The following ZNF248 variants were observed in gnomAD, a reference collection of about 807,000 sequenced individuals.
The protein encoded by ZNF248 is KRAB protein domain.
A neutral mutation model predicts 44.3 loss-of-function variants in ZNF248; 20 were observed. The observed-to-expected ratio is 0.45, with a 90% CI of 0.32 to 0.66. The LOEUF (loss-of-function observed/expected upper bound fraction) is 0.66, where lower values mean the gene tolerates loss of function less well. Ranked by LOEUF, ZNF248 falls within the 30% of genes least tolerant of loss-of-function variation. The pLI is 0.04. For missense variants in ZNF248, 654 were observed against 677.0 expected, an observed-to-expected ratio of 0.97 and a Z score of 0.38; for synonymous variants, 224 against 229.0, an observed-to-expected ratio of 0.98 and a Z score of 0.20.
At chr10:37,842,038 A>C (rs1331995742) in intron 3 of ZNF248, among the ~76,000 whole-genome samples, 1 of 152,186 alleles carries the variant, frequency 6.6e-6, no homozygotes, top group Non-Finnish European at 1.5e-5. Flanking sequence ...ATCCCAATAA[A>C]GTGGTCATCA....
chr10:37,775,382 CAG>C (rs1202390870), downstream of ZNF248: 1 of 152,020 alleles, frequency 6.6e-6, no homozygotes, highest in African/African-American at 2.4e-5. Flanking sequence ...TGGGAAAGTG[CAG>C]GGGAAGCTGA....
At chr10:37,781,238 G>A (rs1034168567) in intron 6 of ZNF248, among the ~76,000 whole-genome samples, 3 of 152,156 alleles carry the variant, frequency 2.0e-5, no homozygotes, top group African/African-American at 4.8e-5. Context: ...TGATGCCAAC[G>A]ATATTCATTG....
At chr10:37,783,430 G>C (rs149275384) in intron 6 of ZNF248, among the ~76,000 whole-genome samples, 33 of 152,212 alleles carry the variant, frequency 2.2e-4, no homozygotes, top group Non-Finnish European at 3.7e-4. Flanking sequence ...GAAAATATAG[G>C]GGTGAATCTT....
downstream of ZNF248, among the ~76,000 whole-genome samples, chr10:37,824,672 A>ATTTTTTTTTTTTTT (rs1564542451): frequency 8.0e-4 from 49 of 61,300 alleles, 1 homozygote; most frequent in African/African-American, 2.9e-3. Flanking sequence ...AATTATTTTA[A>ATTTTTTTTTTTTTT]ATTTTTTTTT....
intron 6 of ZNF248, chr10:37,795,406 A>G (rs1014509927): frequency 3.3e-5 from 5 of 152,062 alleles, no homozygotes. Flanking sequence ...CTTACTTTCT[A>G]TTTCAGTTCT....
At chr10:37,801,146 G>T (rs1287305387) in intron 6 of ZNF248, among the ~76,000 whole-genome samples, 1 of 151,934 alleles carries the variant, frequency 6.6e-6, no homozygotes, top group East Asian at 2.0e-4. Context: ...GGAGGCTGAG[G>T]CAGGCAGATA....
intron 6 of ZNF248, among the ~76,000 whole-genome samples, chr10:37,779,769 T>C (rs1336390266): frequency 1.3e-5 from 2 of 149,754 alleles, no homozygotes; most frequent in East Asian, 2.0e-4. Context: ...GAAAACCCCA[T>C]TGTCTCAGCC....
rs547601270 is a variant in ZNF248, at chr10:37,777,044, T to A, written c.331-469A>T. ...CCAAATTTTTTACATATGCCAAAAATGTGAAACTCAGAACCACTCCGCATG... is the reference window on the plus strand; with the variant it reads ...CCAAATTTTTTACATATGCCAAAAAAGTGAAACTCAGAACCACTCCGCATG... On this transcript the variant is annotated intron_variant, in intron 6 of 6. Coordinates refer to the ZNF248 transcript ENST00000615949. Among the ~76,000 whole-genome samples the A allele has an allele frequency of 6.6e-4, 101 of 152,238 alleles. 1 individual carries two copies. In the Middle Eastern group the frequency reaches 0.01, roughly 15 times the overall value.
At chr10:37,844,481 T>A (rs1461807354) in intron 3 of ZNF248, among the ~76,000 whole-genome samples, 2 of 152,226 alleles carry the variant, frequency 1.3e-5, no homozygotes, top group African/African-American at 4.8e-5. Flanking sequence ...AATTTGTAGT[T>A]TGTAACTCCA....
At chr10:37,815,076 T>A (rs2052218731) in intron 6 of ZNF248, among the ~76,000 whole-genome samples, 2 of 151,470 alleles carry the variant, frequency 1.3e-5, no homozygotes. Context: ...TTTTTCAGAC[T>A]TTTTTTTTGA....
chr10:37,819,843 GTCTA>G (rs1315824748), intron 6 of ZNF248: 4 of 786,578 alleles, frequency 5.1e-6, no homozygotes, highest in East Asian at 4.9e-5. Flanking sequence ...ATTTTCCGTT[GTCTA>G]TCTCTTCCCT....
intron 6 of ZNF248, among the ~76,000 whole-genome samples, chr10:37,822,518 A>C (rs2053640601): frequency 6.6e-6 from 1 of 152,160 alleles, no homozygotes; most frequent in South Asian, 2.1e-4. Flanking sequence ...GGTTTGTGAT[A>C]ATCTCTTCAC....
At chr10:37,855,742 C>T (rs528542978) in intron 3 of ZNF248, among the ~76,000 whole-genome samples, 1 of 152,354 alleles carries the variant, frequency 6.6e-6, no homozygotes, top group African/African-American at 2.4e-5. Context: ...AGAACTGATT[C>T]AGGTGAGTTT....
At chr10:37,785,931 C>G (rs1309220729) in intron 6 of ZNF248, among the ~76,000 whole-genome samples, 3 of 152,242 alleles carry the variant, frequency 2.0e-5, no homozygotes, top group African/African-American at 7.2e-5. Context: ...ACAAATTGTG[C>G]AGATCTTTGA....
intron 6 of ZNF248, chr10:37,820,982 T>C (rs1192923241): frequency 1.3e-6 from 2 of 1,587,404 alleles, no homozygotes; most frequent in Non-Finnish European, 1.7e-6. Flanking sequence ...TCTTCCATCA[T>C]TTCTGGCTGG....
chr10:37,845,885 G>C (rs1438392715), intron 3 of ZNF248, among the ~76,000 whole-genome samples: 1 of 152,110 alleles, frequency 6.6e-6, no homozygotes, highest in African/African-American at 2.4e-5. Flanking sequence ...CAACAGAAGA[G>C]CAAAAATAAA....
rs547315371 is a variant in ZNF248 at position 37,835,614 on chromosome 10, G to A, written c.238+2003C>T. Among the ~76,000 whole-genome samples, 46 of 152,270 alleles carry A rather than the reference G, an allele frequency of 3.0e-4. 1 individual carries two copies. In the South Asian group the frequency reaches 9.5e-3, roughly 32 times the overall value. On this transcript the variant is annotated intron_variant, in intron 5 of 5. Coordinates refer to ENST00000395867, the MANE Select transcript of ZNF248 (RefSeq NM_021045.3). ...TTTTGAAGGGAAAAAGCTGGATGAG[G>A]CAGTACAGAAGAGGGAAGAGGAAAA...
downstream of ZNF248, among the ~76,000 whole-genome samples, chr10:37,771,647 A>C (rs1471097867): frequency 1.6e-5 from 2 of 127,184 alleles, no homozygotes; most frequent in African/African-American, 5.8e-5. Context: ...GGGGGGAGGG[A>C]TAGCATTAGG....
chr10:37,857,539 G>C lies in ZNF248; in HGVS notation c.-480C>G, dbSNP rs968490572. 1.3e-5 allele frequency: 2 copies of C among 152,268 alleles called. No homozygotes were observed. Among genetic ancestry groups the C allele is most frequent in the African/African-American group, 4.8e-5 (2 of 41,466 alleles). 9.4% of individuals were successfully genotyped at this position (152,268 alleles called of 1,614,324 possible). ...TCCGTAATTTACAGAGAGGAAAACC[G>C]AGTCTCCCGTGGATAATTGTGTCTA... On this transcript the variant is annotated 5_prime_UTR_variant, in exon 1 of 6. Transcript: ENST00000395867.
Sources: allele counts gnomAD v4.1 joint callset (sites outside exome capture counted in the v4.1 genomes callset), GRCh38; gene constraint gnomAD v4.1.1; transcripts MANE v1.5; gene names NCBI Gene and HGNC (gene_info 2026-07-23, HGNC 2026-07-21).